P2RY8: variants seen among roughly 807,000 people sequenced by gnomAD.
P2RY8 encodes P2Y receptor family member 8, also known as S-geranylgeranyl-glutathione receptor P2RY8.
P2RY8 carries 6 observed loss-of-function variants against 10.0 expected under a neutral mutation model. That is an observed-to-expected ratio of 0.60 (90% CI 0.33 to 1.19). The LOEUF is 1.19. Among genes scored for constraint, P2RY8 ranks in the 50% most tolerant of loss-of-function variants. The pLI is 0.04. For missense variants in P2RY8, 456 were observed against 542.0 expected (o/e 0.84, Z 1.58); for synonymous variants, 276 against 252.5 (o/e 1.09, Z -0.88).
At chrX:1,488,733 G>GGTGTGTGTGT (rs771296428) in intron 1 of P2RY8, among the ~76,000 whole-genome samples, 38 of 147,638 alleles carry the variant, frequency 2.6e-4, no homozygotes, top group African/African-American at 8.7e-4. Context: ...GTAAATGCAG[G>GGTGTGTGTGT]GTGTGTGTGT....
At chrX:1,531,147 T>C (rs1307727471) in intron 1 of P2RY8, among the ~76,000 whole-genome samples, 2 of 152,068 alleles carry the variant, frequency 1.3e-5, no homozygotes, top group African/African-American at 4.8e-5. Flanking sequence ...GAGCAAGTGA[T>C]TTTGCTACCT....
intron 1 of P2RY8, among the ~76,000 whole-genome samples, chrX:1,523,840 C>T (rs1297094490): frequency 1.3e-5 from 2 of 152,212 alleles, no homozygotes; most frequent in East Asian, 1.9e-4. Context: ...CGCACCACCA[C>T]GCCCGGCTAA....
At position 1,463,533 on chromosome X, in the gene P2RY8, G is replaced by T. The variant is rs776048380; in HGVS notation, c.*1946C>A. 18 of 232,274 alleles carry T rather than the reference G, an allele frequency of 7.7e-5. No homozygotes were observed. In the Admixed American group the frequency reaches 1.0e-3, roughly 13 times the overall value. The allele number at this position is 232,274 out of a possible 1,614,324, so 14.4% of individuals were successfully genotyped here. A position where few individuals can be genotyped will look rare whatever the true frequency, so the allele number is the denominator to read the frequency against. Reference sequence around the variant, plus strand: ...AAGGACACCTGTCATGGCATTTAGGGTGCTTAATAATCCAGCACAATCTCA... The same window carrying T: ...AAGGACACCTGTCATGGCATTTAGGTTGCTTAATAATCCAGCACAATCTCA... On this transcript the variant is annotated 3_prime_UTR_variant, in exon 2 of 2. Coordinates refer to ENST00000381297, the MANE Select transcript of P2RY8 (RefSeq NM_178129.5).
intron 1 of P2RY8, among the ~76,000 whole-genome samples, chrX:1,506,251 C>T (rs1362199598): frequency 6.6e-6 from 1 of 152,088 alleles, no homozygotes; most frequent in African/African-American, 2.4e-5. Context: ...CCTGAGCCTC[C>T]CAAACTGCTG....
At chrX:1,530,153 GTATGATCTATCTATCT>G (rs1317719010) in intron 1 of P2RY8, among the ~76,000 whole-genome samples, 5 of 39,518 alleles carry the variant, frequency 1.3e-4, no homozygotes, top group African/African-American at 7.4e-4. Flanking sequence ...ATGTATGTAT[GTATGATCTATCTATCT>G]ATCTATCTAT....
intron 1 of P2RY8, among the ~76,000 whole-genome samples, chrX:1,502,158 A>G (rs28656399): frequency 0.22 from 31,738 of 147,060 alleles, 3,646 homozygotes; most frequent in South Asian, 0.34. Context: ...TGATCCACCC[A>G]CCTCGGCCTC....
rs751901352 is a variant in P2RY8, at chrX:1,537,112, C to G, written c.-216G>C. The G allele has an allele frequency of 4.3e-6, 1 of 232,800 alleles. No individual in the cohort carries two copies. The highest frequency in any genetic ancestry group is 6.0e-5 in the East Asian group (1 of 16,530). 14.4% of individuals were successfully genotyped at this position (232,800 alleles called of 1,614,324 possible). ...GCGGCAGACGGCTGCCCTTCCAGTT[C>G]CATCTGTCCAGCAACCTTGCAAAGG... is the stretch of plus-strand genomic sequence containing the variant. On this transcript the variant is annotated 5_prime_UTR_variant, in exon 1 of 2. Transcript: ENST00000381297.
At chrX:1,484,275 C>T (rs1218281206) in intron 1 of P2RY8, among the ~76,000 whole-genome samples, 6 of 152,130 alleles carry the variant, frequency 3.9e-5, no homozygotes, top group Non-Finnish European at 8.8e-5. Flanking sequence ...TCTCTCTCCT[C>T]TGAAAGGTGA....
Position 1,465,883 on chromosome X carries a change from C to T in P2RY8, c.676G>A (p.Ala226Thr). 1.2e-6 allele frequency: 2 copies of T among 1,612,492 alleles called. No individual in the cohort carries two copies. The highest frequency in any genetic ancestry group is 2.2e-5 in the South Asian group (2 of 91,032). Reference protein sequence around the residue: ...TILKLLRTEEAHGREQRRRAV... With the variant: ...TILKLLRTEETHGREQRRRAV... ...CGCCTCCGCTGCTCCCGGCCGTGCG[C>T]CTCCTCCGTGCGCAACAGCTTGAGG... Residue 226 changes from alanine to threonine, a missense_variant, in exon 2 of 2, where the codon GCG (alanine) becomes ACG (threonine). Coordinates refer to ENST00000381297, the MANE Select transcript of P2RY8 (RefSeq NM_178129.5).
chrX:1,508,704 T>TCCATCCATCCATCCATCCA lies in P2RY8; in HGVS notation c.-25+28216_-25+28217insTGGATGGATGGATGGATGG, dbSNP rs1201683452. On this transcript the variant is annotated intron_variant, in intron 1 of 1. Transcript: ENST00000381297. ...CATCATCCATCCATCCATCCATCCA[T>TCCATCCATCCATCCATCCA]TCTATCTATCTATCTATCTATCTAT... Among the ~76,000 whole-genome samples, 332 of 112,062 alleles carry TCCATCCATCCATCCATCCA rather than the reference T, an allele frequency of 3.0e-3. 10 individuals carry two copies. Among genetic ancestry groups the TCCATCCATCCATCCATCCA allele is most frequent in the Non-Finnish European group, 4.5e-3 (231 of 50,802 alleles). 73.5% of individuals were successfully genotyped at this position (112,062 alleles called of 152,430 possible).
intron 1 of P2RY8, among the ~76,000 whole-genome samples, chrX:1,467,317 C>CT (rs1367207737): frequency 6.6e-6 from 1 of 152,200 alleles, no homozygotes; most frequent in African/African-American, 2.4e-5. Context: ...TTCTTACCAA[C>CT]TGCTCTACAA....
At chrX:1,531,673 A>G (rs1194458834) in intron 1 of P2RY8, among the ~76,000 whole-genome samples, 4 of 152,158 alleles carry the variant, frequency 2.6e-5, no homozygotes, top group African/African-American at 9.7e-5. Context: ...CTTCTTGGCT[A>G]GAAAATCACA....
chrX:1,498,982 G>C (rs553577116), intron 1 of P2RY8, among the ~76,000 whole-genome samples: 2 of 148,970 alleles, frequency 1.3e-5, no homozygotes, highest in South Asian at 4.3e-4. Context: ...TTACAGGCGC[G>C]TGCCATAATG....
At chrX:1,494,869 A>ATTTTTTTTTT in intron 1 of P2RY8, among the ~76,000 whole-genome samples, 1 of 143,890 alleles carries the variant, frequency 6.9e-6, no homozygotes, top group South Asian at 2.2e-4. Flanking sequence ...CACCTGGCTA[A>ATTTTTTTTTT]TTTTTTTTTT....
chrX:1,501,563 A>G (rs1340817732), intron 1 of P2RY8, among the ~76,000 whole-genome samples: 2 of 151,596 alleles, frequency 1.3e-5, no homozygotes, highest in Non-Finnish European at 1.5e-5. Flanking sequence ...GTCTCACTAT[A>G]TTGCCCCGTC....
chrX:1,484,660 G>A lies in P2RY8; in HGVS notation c.-24-18078C>T, dbSNP rs1335858546. ...GGAGAATTGCTGGAACCCGGGAGGCGGAGGTTGCAGTGAGCTGAGATCACA... is the reference window on the plus strand; with the variant it reads ...GGAGAATTGCTGGAACCCGGGAGGCAGAGGTTGCAGTGAGCTGAGATCACA... On this transcript the variant is annotated intron_variant, in intron 1 of 1. Transcript: ENST00000381297. Among the ~76,000 whole-genome samples the A allele has an allele frequency of 1.0e-4, 15 of 145,080 alleles. No homozygotes were observed. The East Asian group carries it at 2.2e-3, about 21-fold the overall frequency.
intron 1 of P2RY8, among the ~76,000 whole-genome samples, chrX:1,531,098 C>G (rs191708022): frequency 1.2e-3 from 177 of 151,548 alleles, no homozygotes; most frequent in African/African-American, 4.0e-3. Flanking sequence ...ATCTATCTAT[C>G]TAATTTGTCA....
At chrX:1,466,665 C>A (rs2091682944) in intron 1 of P2RY8, 83 bp from the exon 2 acceptor site, 7 of 1,353,070 alleles carry the variant, frequency 5.2e-6, no homozygotes, top group African/African-American at 1.5e-5. Context: ...AGCGCCGCTC[C>A]CCGGGGACCA....
chrX:1,505,938 C>T (rs2092228592), intron 1 of P2RY8, among the ~76,000 whole-genome samples: 1 of 150,246 alleles, frequency 6.7e-6, no homozygotes, highest in Non-Finnish European at 1.5e-5. Flanking sequence ...AACTTTGTAA[C>T]AAAAGAATAT....
Sources: allele counts gnomAD v4.1 joint callset (sites outside exome capture counted in the v4.1 genomes callset), GRCh38; gene constraint gnomAD v4.1.1; transcripts MANE v1.5; gene names NCBI Gene and HGNC (gene_info 2026-07-23, HGNC 2026-07-21).